The following FBXL7 variants were observed in gnomAD, a reference collection of about 807,000 sequenced individuals.
FBXL7 encodes the protein F-box and leucine rich repeat protein 7.
FBXL7 carries 12 observed loss-of-function variants against 38.3 expected under a neutral mutation model. The observed-to-expected ratio is 0.31, with a 90% confidence interval of 0.20 to 0.51. The LOEUF (loss-of-function observed/expected upper bound fraction) is 0.51. Ranked by LOEUF, FBXL7 falls within the 20% of genes least tolerant of loss-of-function variation. The pLI is 0.98. For missense variants in FBXL7, 567 were observed against 676.4 expected, an observed-to-expected ratio of 0.84 and a Z score of 1.79; for synonymous variants, 297 against 300.9, an observed-to-expected ratio of 0.99 and a Z score of 0.13.
intron 1 of FBXL7, among the ~76,000 whole-genome samples, chr5:15,588,079 G>A (rs1397653694): frequency 2.0e-5 from 3 of 152,134 alleles, no homozygotes; most frequent in Non-Finnish European, 2.9e-5. Context: ...GTCCAGCAGA[G>A]GCAAAACTGA....
intron 3 of FBXL7, among the ~76,000 whole-genome samples, chr5:15,929,887 T>G (rs1281139662): frequency 6.6e-6 from 1 of 151,616 alleles, no homozygotes; most frequent in Non-Finnish European, 1.5e-5. Context: ...GGGGGAGGGG[T>G]CAAGAAGTAA....
chr5:15,597,131 A>C (rs972526759), intron 1 of FBXL7, among the ~76,000 whole-genome samples: 2 of 152,116 alleles, frequency 1.3e-5, no homozygotes, highest in Non-Finnish European at 2.9e-5. Flanking sequence ...CACTATCTTT[A>C]GGTAGATAGC....
intron 1 of FBXL7, among the ~76,000 whole-genome samples, chr5:15,521,198 C>G (rs552671394): frequency 6.6e-6 from 1 of 152,050 alleles, no homozygotes; most frequent in African/African-American, 2.4e-5. Context: ...CAAGAGTTGT[C>G]GGGGGGTGAA....
At chr5:15,645,840 CTGTG>C (rs1487490785) in intron 2 of FBXL7, among the ~76,000 whole-genome samples, 2 of 152,230 alleles carry the variant, frequency 1.3e-5, no homozygotes, top group African/African-American at 4.8e-5. Flanking sequence ...AATGACTTGG[CTGTG>C]TTGTTCACTT....
intron 2 of FBXL7, among the ~76,000 whole-genome samples, chr5:15,717,853 G>C (rs766519296): frequency 6.6e-6 from 1 of 152,076 alleles, no homozygotes; most frequent in Non-Finnish European, 1.5e-5. Context: ...AAGGATCTTT[G>C]ATCAGATTCT....
At chr5:15,765,281 G>A (rs1736554789) in intron 2 of FBXL7, among the ~76,000 whole-genome samples, 1 of 152,050 alleles carries the variant, frequency 6.6e-6, no homozygotes, top group Non-Finnish European at 1.5e-5. Flanking sequence ...AGACGTACAT[G>A]AGTGAACATG....
At chr5:15,773,987 A>T (rs1182270945) in intron 2 of FBXL7, among the ~76,000 whole-genome samples, 1 of 151,966 alleles carries the variant, frequency 6.6e-6, no homozygotes, top group East Asian at 1.9e-4. Context: ...CATATATTTT[A>T]TTACATTTTT....
At chr5:15,666,796 T>G (rs1742297449) in intron 2 of FBXL7, among the ~76,000 whole-genome samples, 1 of 152,172 alleles carries the variant, frequency 6.6e-6, no homozygotes, top group South Asian at 2.1e-4. Flanking sequence ...GTTCCTCCGT[T>G]TTCAAATGGT....
intron 2 of FBXL7, among the ~76,000 whole-genome samples, chr5:15,861,574 C>T (rs1451263690): frequency 6.6e-6 from 1 of 152,172 alleles, no homozygotes; most frequent in Non-Finnish European, 1.5e-5. Context: ...ATGGAGCAGA[C>T]CTTATTACCC....
intron 2 of FBXL7, among the ~76,000 whole-genome samples, chr5:15,901,457 CA>C (rs1741232085): frequency 6.6e-6 from 1 of 152,186 alleles, no homozygotes; most frequent in South Asian, 2.1e-4. Context: ...CAGGTTTCAA[CA>C]CATGAATTTT....
At chr5:15,852,783 A>T (rs1739137711) in intron 2 of FBXL7, among the ~76,000 whole-genome samples, 1 of 151,682 alleles carries the variant, frequency 6.6e-6, no homozygotes, top group South Asian at 2.1e-4. Context: ...CAGTTCTAGG[A>T]TTTTCTCACC....
Position 15,938,445 on chromosome 5 carries a change from CCTCTT to C in FBXL7, c.*1263_*1267del, listed in dbSNP as rs1250688134. The C allele has an allele frequency of 3.3e-5, 5 of 152,158 alleles. No individual in the cohort carries two copies. Among genetic ancestry groups the C allele is most frequent in the African/African-American group, 9.7e-5 (4 of 41,422 alleles). The allele number at this position is 152,158 out of a possible 1,614,324, so 9.4% of individuals were successfully genotyped here. On this transcript the variant is annotated 3_prime_UTR_variant, in exon 4 of 4. Transcript: ENST00000504595. ...TCTTTGTCATTCAGATTGCATTTGA[CCTCTT>C]CTCATCTATTTATTTCTTTATACAT...
chr5:15,532,827 T>C (rs373654049), intron 1 of FBXL7, among the ~76,000 whole-genome samples: 1 of 152,360 alleles, frequency 6.6e-6, no homozygotes, highest in East Asian at 1.9e-4. Flanking sequence ...GCAGTGGCTG[T>C]AGTGGTGGAT....
intron 2 of FBXL7, among the ~76,000 whole-genome samples, chr5:15,734,337 C>T (rs1735693278): frequency 6.6e-6 from 1 of 152,226 alleles, no homozygotes; most frequent in African/African-American, 2.4e-5. Flanking sequence ...GCACATACTG[C>T]TCCTCTGGGG....
chr5:15,789,346 G>A (rs1374292497), intron 2 of FBXL7, among the ~76,000 whole-genome samples: 1 of 152,174 alleles, frequency 6.6e-6, no homozygotes, highest in Non-Finnish European at 1.5e-5. Context: ...CAGGGTGTTT[G>A]ATAGGTCCTT....
At chr5:15,757,826 G>C (rs1311155088) in intron 2 of FBXL7, among the ~76,000 whole-genome samples, 1 of 152,154 alleles carries the variant, frequency 6.6e-6, no homozygotes, top group Non-Finnish European at 1.5e-5. Context: ...GCAGCTAAGT[G>C]GGAAGGAGGC....
intron 1 of FBXL7, among the ~76,000 whole-genome samples, chr5:15,523,352 A>G (rs644859): frequency 0.023 from 3,496 of 152,178 alleles, 154 homozygotes; most frequent in African/African-American, 0.08. Flanking sequence ...AGGTCAGGAG[A>G]TCGAGACCAT....
chr5:15,629,223 T>A (rs1047169930), intron 2 of FBXL7, among the ~76,000 whole-genome samples: 1 of 152,000 alleles, frequency 6.6e-6, no homozygotes, highest in African/African-American at 2.4e-5. Context: ...TTTAGTGAGC[T>A]ATGATTGCAC....
intron 1 of FBXL7, among the ~76,000 whole-genome samples, chr5:15,600,914 G>A (rs1399307880): frequency 6.6e-6 from 1 of 152,162 alleles, no homozygotes; most frequent in Non-Finnish European, 1.5e-5. Context: ...GCCACCTCTA[G>A]CCACACAGAC....
Sources: gnomAD v4.1 joint callset for allele counts (sites outside exome capture counted in the v4.1 genomes callset) on GRCh38, gnomAD v4.1.1 for gene constraint, MANE v1.5 for transcripts, NCBI Gene and HGNC (gene_info 2026-07-23, HGNC 2026-07-21) for gene names.